Variants in SUCO observed in about 807,000 individuals in gnomAD.
The protein encoded by SUCO is SUN domain containing ossification factor.
Under a neutral mutation model 148.1 loss-of-function variants are expected in SUCO, and 57 were observed. The ratio of observed to expected loss-of-function variants is 0.38; its 90% CI spans 0.31 to 0.48. SUCO has a LOEUF of 0.48. SUCO is among the 20% of genes least tolerant of loss of function. The pLI is 0.96. For synonymous variants in SUCO, 470 were observed against 502.7 expected, an observed-to-expected ratio of 0.93 and a Z score of 0.87; for missense variants, 1,331 against 1,468.2, an observed-to-expected ratio of 0.91 and a Z score of 1.53.
In SUCO at chr1:172,533,165, C is replaced by A. The variant is rs1202882286; in HGVS notation, c.-271C>A. The stretch of plus-strand genomic sequence containing the variant: ...CGGGGAGGATATGGGGCGGCAGTGG[C>A]GGCTGCAGGAGGCGGGCGTGGACGA... On this transcript the variant is annotated 5_prime_UTR_variant, in exon 1 of 24. Coordinates refer to ENST00000263688, the MANE Select transcript of SUCO (RefSeq NM_014283.5). 1.0e-5 allele frequency: 15 copies of A among 1,471,794 alleles called. No homozygotes were observed. Among genetic ancestry groups the A allele is most frequent in the Non-Finnish European group, 1.3e-5 (15 of 1,115,448 alleles). 91.2% of individuals were successfully genotyped at this position (1,471,794 alleles called of 1,614,324 possible).
In SUCO at chr1:172,574,018, C is replaced by A; in HGVS notation, c.1157+20C>A. 2.2e-6 allele frequency: 3 copies of A among 1,369,892 alleles called. No individual in the cohort carries two copies. Among genetic ancestry groups the A allele is most frequent in the Non-Finnish European group, 3.1e-6 (3 of 967,158 alleles). 84.9% of individuals were successfully genotyped at this position (1,369,892 alleles called of 1,614,324 possible). On this transcript the variant is annotated intron_variant, in intron 10 of 23. Coordinates refer to ENST00000263688, the MANE Select transcript of SUCO (RefSeq NM_014283.5). ...TGACAGGTAAATTCTAAAGCTGTTT[C>A]TATAGGGTCTATGTTGGATCTCTGA...
At position 172,590,326 on chromosome 1, in the gene SUCO, T is replaced by C; in HGVS notation, c.2825+400T>C. On this transcript the variant is annotated intron_variant, in intron 18 of 23. Coordinates refer to ENST00000263688, the MANE Select transcript of SUCO (RefSeq NM_014283.5). The stretch of plus-strand genomic sequence containing the variant: ...ACCAGATATCACTTAAGAGTTTAGA[T>C]AAGTGAAGACAGAGATGGACTGAAC... The C allele has an allele frequency of 4.1e-6, 4 of 985,128 alleles. No homozygotes were observed. The South Asian group carries it at 1.4e-4, about 35-fold the overall frequency. 61.0% of individuals were successfully genotyped at this position (985,128 alleles called of 1,614,324 possible).
At chr1:172,536,714 T>C (rs558577198) in intron 1 of SUCO, among the ~76,000 whole-genome samples, 1 of 152,324 alleles carries the variant, frequency 6.6e-6, no homozygotes, top group South Asian at 2.1e-4. Flanking sequence ...GTCCAAGATA[T>C]GTCTCACAGG....
At chr1:172,544,702 A>G (rs1376919010) in intron 1 of SUCO, among the ~76,000 whole-genome samples, 3 of 152,216 alleles carry the variant, frequency 2.0e-5, no homozygotes, top group African/African-American at 4.8e-5. Context: ...TCGCTGAAGC[A>G]TAAAGTGAAA....
chr1:172,588,947 T>A lies in SUCO; in HGVS notation c.1846T>A (p.Phe616Ile). Reference protein sequence around the residue: ...SPWFESETQIFCSELTTICCI... With the variant: ...SPWFESETQIICSELTTICCI... ...CTGGTTTGAGTCAGAGACACAAATA[T>A]TTTGCAGTGAACTGACCACAATTTG... The change falls in exon 18 of 24, where the codon TTT becomes ATT. Residue 616 changes from phenylalanine to isoleucine, a missense_variant. Physicochemically the swap from Phe to Ile is conservative, Grantham distance 21. Around this residue, in one of 3 missense-constraint regions of SUCO, gnomAD observed 992 missense variants for 1,093.5 expected, o/e 0.91. Coordinates refer to ENST00000263688, the MANE Select transcript of SUCO (RefSeq NM_014283.5). The A allele has an allele frequency of 6.2e-7, 1 of 1,611,410 alleles. No individual in the cohort carries two copies. Among genetic ancestry groups the A allele is most frequent in the Non-Finnish European group, 8.5e-7 (1 of 1,178,836 alleles).
intron 19 of SUCO, among the ~76,000 whole-genome samples, chr1:172,598,536 CT>C (rs1657281672): frequency 6.6e-6 from 1 of 152,120 alleles, no homozygotes; most frequent in Non-Finnish European, 1.5e-5. Flanking sequence ...ATAATGTCAT[CT>C]TAATATTAAG....
intron 16 of SUCO, among the ~76,000 whole-genome samples, 197 bp from the exon 17 acceptor site, chr1:172,585,661 T>C (rs187309468): frequency 1.3e-4 from 20 of 152,316 alleles, no homozygotes; most frequent in Admixed American, 2.6e-4. Flanking sequence ...ATCTGAGAAA[T>C]TGAGAAACGA....
chr1:172,590,874 C>T (rs1347100904), intron 18 of SUCO, 110 bp from the exon 19 acceptor site: 2 of 737,840 alleles, frequency 2.7e-6, no homozygotes, highest in Admixed American at 5.3e-5. Flanking sequence ...ATAAGAGTCA[C>T]TTTCAGAAAA....
intron 19 of SUCO, among the ~76,000 whole-genome samples, chr1:172,596,618 A>G (rs1344304309): frequency 6.6e-6 from 1 of 152,176 alleles, no homozygotes; most frequent in Non-Finnish European, 1.5e-5. Flanking sequence ...CAGAATGGCA[A>G]ATGTTGCTGC....
intron 1 of SUCO, among the ~76,000 whole-genome samples, chr1:172,546,909 C>G (rs1652904698): frequency 6.6e-6 from 1 of 152,108 alleles, no homozygotes. Context: ...GACCCTGTCT[C>G]AAAATAAATT....
At chr1:172,566,860 A>G (rs1042537577) in intron 6 of SUCO, among the ~76,000 whole-genome samples, 1 of 152,216 alleles carries the variant, frequency 6.6e-6, no homozygotes, top group Non-Finnish European at 1.5e-5. Flanking sequence ...GGGCATGCAT[A>G]TGGTTCGGTG....
intron 15 of SUCO, among the ~76,000 whole-genome samples, chr1:172,582,917 T>C (rs1655973817): frequency 6.6e-6 from 1 of 152,154 alleles, no homozygotes; most frequent in Non-Finnish European, 1.5e-5. Flanking sequence ...GGTTCAGAAA[T>C]AATACTGTAA....
intron 15 of SUCO, among the ~76,000 whole-genome samples, chr1:172,582,513 G>A (rs1040148272): frequency 2.0e-5 from 3 of 152,200 alleles, no homozygotes; most frequent in East Asian, 1.9e-4. Context: ...GGATGAATAA[G>A]TTGCCCAATT....
chr1:172,554,618 T>G (rs2149230870), intron 3 of SUCO, among the ~76,000 whole-genome samples: 1 of 152,062 alleles, frequency 6.6e-6, no homozygotes, highest in South Asian at 2.1e-4. Context: ...ACGCCTATAG[T>G]CTCAGCTACT....
chr1:172,588,361 C>G, intron 17 of SUCO: 1 of 985,264 alleles, frequency 1.0e-6, no homozygotes, highest in Non-Finnish European at 1.2e-6. Context: ...ATTAAGCTAG[C>G]TCTTAGTTGG....
At chr1:172,597,198 T>TGGCTAGGAAAGGGAATTCCCTC (rs1657171154) in intron 19 of SUCO, among the ~76,000 whole-genome samples, 1 of 152,236 alleles carries the variant, frequency 6.6e-6, no homozygotes, top group Non-Finnish European at 1.5e-5. Context: ...CAGCTTCCCT[T>TGGCTAGGAAAGGGAATTCCCTC]GGCTAGGAAA....
chr1:172,576,848 T>A, intron 11 of SUCO: 1 of 805,058 alleles, frequency 1.2e-6, no homozygotes, highest in Non-Finnish European at 1.5e-6. Flanking sequence ...AAAAATTACT[T>A]TCTGATTTTC....
At position 172,553,248 on chromosome 1, in the gene SUCO, G is replaced by A. The variant is rs202071817; in HGVS notation, c.178-12G>A. On this transcript the variant is annotated splice_polypyrimidine_tract_variant and intron_variant, in intron 2 of 23. Coordinates refer to ENST00000263688, the MANE Select transcript of SUCO (RefSeq NM_014283.5). ...GTTTTATCAGGTGATTTTTGTTGTT[G>A]TTGTTATATAGGATGAAAGAGAGGG... 9 of 1,544,150 alleles carry A rather than the reference G, an allele frequency of 5.8e-6. No homozygotes were observed. Among genetic ancestry groups the A allele is most frequent in the African/African-American group, 4.1e-5 (3 of 72,732 alleles).
intron 1 of SUCO, among the ~76,000 whole-genome samples, chr1:172,546,928 C>T (rs918294537): frequency 3.9e-5 from 6 of 152,186 alleles, no homozygotes; most frequent in South Asian, 4.2e-4. Context: ...TTATGTACAG[C>T]GAAATGCACA....
Sources: gnomAD v4.1 joint callset for allele counts (sites outside exome capture counted in the v4.1 genomes callset) on GRCh38, gnomAD v4.1.1 for gene constraint, gnomAD v4.1.1 regional missense constraint, MANE v1.5 for transcripts, NCBI Gene and HGNC (gene_info 2026-07-23, HGNC 2026-07-21) for gene names.